Variants in ZNF837 observed in about 807,000 individuals in gnomAD.
ZNF837 encodes zinc finger protein 837.
For synonymous variants in ZNF837, 475 were observed against 365.2 expected (o/e 1.30, Z -3.43); for missense variants, 955 against 801.7 (o/e 1.19, Z -2.31).
At chr19:58,380,170 C>T (rs914717057) in intron 1 of ZNF837, among the ~76,000 whole-genome samples, 1 of 152,184 alleles carries the variant, frequency 6.6e-6, no homozygotes, top group African/African-American at 2.4e-5. Flanking sequence ...ACTCTAGCCC[C>T]TATGTCCAAT....
Position 58,368,189 on chromosome 19 carries a change from G to C in ZNF837, c.1144C>G (p.Arg382Gly), listed in dbSNP as rs1408115605. Residue 382 changes from arginine to glycine, a missense_variant, in exon 3 of 3, where the codon CGG (arginine) becomes GGG (glycine). Coordinates refer to ENST00000597582, the MANE Select transcript of ZNF837 (RefSeq NM_138466.2). The part of the protein sequence containing the change: ...FGLFSHLVEH[R>G]RVHTGEKPYA... ...GGCTTCTCGCCGGTGTGCACGCGCC[G>C]GTGCTCCACGAGGTGCGAGAACAGC... 1 of 1,573,418 alleles carries C rather than the reference G, an allele frequency of 6.4e-7. No homozygotes were observed. Among genetic ancestry groups the C allele is most frequent in the Non-Finnish European group, 8.6e-7 (1 of 1,162,390 alleles).
Position 58,367,871 on chromosome 19 carries a change from AG to A in ZNF837, c.1461del (p.Cys488AlafsTer?). 1 of 1,535,902 alleles carries A rather than the reference AG, an allele frequency of 6.5e-7. No homozygotes were observed. Among genetic ancestry groups the A allele is most frequent in the Non-Finnish European group, 8.7e-7 (1 of 1,144,452 alleles). ...GTGCGCAGGTGGCGCACCAGGCTGC[AG>A]TTGCGCACGAAGGCCTTGCCGCAGT... ...CRDCGKAFVR[N>X]CSLVRHLRTH... On this transcript the variant is annotated frameshift_variant, in exon 3 of 3. Transcript: ENST00000597582. LOFTEE classifies it low-confidence loss of function (END_TRUNC).
rs2052165207 is a variant in ZNF837, at chr19:58,368,549, C to T, written c.784G>A (p.Val262Ile). The T allele has an allele frequency of 6.5e-7, 1 of 1,538,922 alleles. No individual in the cohort carries two copies. ...CGQTSRPRPI[V>I]PDPPAQRLYA... ...AGTCGCTGGGCCGGGGGGTCGGGGA[C>T]AATAGGGCGAGGTCGCGAGGTTTGG... The change falls in exon 3 of 3, where the codon GTC becomes ATC. Residue 262 changes from valine (V) to isoleucine (I), a missense_variant. Transcript: ENST00000597582.
rs965916204 is a variant in ZNF837, at chr19:58,367,955, A to G, written c.1378T>C (p.Ser460Pro). 62 of 1,532,964 alleles carry G rather than the reference A, an allele frequency of 4.0e-5. No individual in the cohort carries two copies. The highest frequency in any genetic ancestry group is 1.8e-4 in the Middle Eastern group (1 of 5,632). The allele number at this position is 1,532,964 out of a possible 1,614,324, so 95.0% of individuals were successfully genotyped here. A position where few individuals can be genotyped will look rare whatever the true frequency, so the allele number is the denominator to read the frequency against. ...SECGKTFRGCSELRQHERLHS... is the reference protein window; with the variant it reads ...SECGKTFRGCPELRQHERLHS... The stretch of plus-strand genomic sequence containing the variant: ...AGGCGCTCGTGCTGGCGCAGCTCGG[A>G]GCAGCCGCGGAAGGTCTTTCCGCAC... Residue 460 changes from serine (S) to proline (P), a missense_variant, in exon 3 of 3, where the codon TCC becomes CCC. Ser to Pro is a moderately conservative substitution (Grantham distance 74, BLOSUM62 -1). Coordinates refer to ENST00000597582, the MANE Select transcript of ZNF837 (RefSeq NM_138466.2).
At chr19:58,375,783 A>C (rs1599926523) in intron 1 of ZNF837, among the ~76,000 whole-genome samples, 1 of 145,970 alleles carries the variant, frequency 6.9e-6, no homozygotes, top group Non-Finnish European at 1.5e-5. Flanking sequence ...AGCAGAATGC[A>C]CCCATGCCAC....
Position 58,368,565 on chromosome 19 carries a change from C to A in ZNF837, c.768G>T (p.Ser256=). The change falls in exon 3 of 3, where the codon TCG becomes TCT. Residue 256 remains serine (S), a synonymous_variant. Coordinates refer to ENST00000597582, the MANE Select transcript of ZNF837 (RefSeq NM_138466.2). ...PPVCPECGQT[S]RPRPIVPDPP... is the part of the protein sequence containing the mutation. ...GGTCGGGGACAATAGGGCGAGGTCG[C>A]GAGGTTTGGCCGCACTCAGGACACA... 1 of 1,536,164 alleles carries A rather than the reference C, an allele frequency of 6.5e-7. No homozygotes were observed. The highest frequency in any genetic ancestry group is 8.7e-7 in the Non-Finnish European group (1 of 1,143,748).
intron 1 of ZNF837, among the ~76,000 whole-genome samples, chr19:58,375,270 G>GTATATATATATATATA (rs58582835): frequency 2.9e-5 from 1 of 34,854 alleles, no homozygotes; most frequent in African/African-American, 9.7e-5. Context: ...AAAAAAAAAA[G>GTATATATATATATATA]TATATATATA....
Position 58,368,046 on chromosome 19 carries a change from C to T in ZNF837, c.1287G>A (p.Lys429=). 1 of 1,539,008 alleles carries T rather than the reference C, an allele frequency of 6.5e-7. No homozygotes were observed. The highest frequency in any genetic ancestry group is 1.2e-5 in the South Asian group (1 of 84,232). The part of the protein sequence containing the change: ...YACPLCEKAF[K]GRSGLVQHQR... ...GGTGTTGCACCAGGCCCGAGCGGCC[C>T]TTGAAGGCCTTTTCGCACAGTGGGC... The change falls in exon 3 of 3, where the codon AAG becomes AAA. Residue 429 remains lysine, a synonymous_variant. Transcript: ENST00000597582.
At chr19:58,379,920 G>A (rs934857911) in intron 1 of ZNF837, among the ~76,000 whole-genome samples, 34 of 152,222 alleles carry the variant, frequency 2.2e-4, no homozygotes, top group Non-Finnish European at 1.9e-4. Context: ...GCTTGAACCC[G>A]GGAGGCGGAG....
intron 1 of ZNF837, among the ~76,000 whole-genome samples, chr19:58,375,300 AT>A (rs2052234752): frequency 4.4e-5 from 4 of 91,338 alleles, no homozygotes; most frequent in African/African-American, 1.4e-4. Context: ...ATATATATAT[AT>A]ATATATATAT....
At chr19:58,374,945 T>TTATA (rs896052435) in intron 1 of ZNF837, among the ~76,000 whole-genome samples, 1 of 113,686 alleles carries the variant, frequency 8.8e-6, no homozygotes, top group Admixed American at 8.9e-5. Flanking sequence ...AAAAAAAAAA[T>TTATA]TATATATATA....
chr19:58,368,272 C>T lies in ZNF837; in HGVS notation c.1061G>A (p.Arg354Gln). ...CGGCTTCTCCCCGGCTCCCGACCCC[C>T]GTCGGGGACTCCGCTCGCTGTAGTC... ...CGDYSERSPRRGSGAGEKPYE... is the reference protein window; with the variant it reads ...CGDYSERSPRQGSGAGEKPYE... Residue 354 changes from arginine to glutamine, a missense_variant, in exon 3 of 3, where the codon CGG becomes CAG. Arg to Gln is a conservative substitution (Grantham distance 43). Coordinates refer to ENST00000597582, the MANE Select transcript of ZNF837 (RefSeq NM_138466.2). The T allele has an allele frequency of 3.4e-6, 5 of 1,482,646 alleles. No homozygotes were observed. The highest frequency in any genetic ancestry group is 4.5e-6 in the Non-Finnish European group (5 of 1,122,670). 91.8% of individuals were successfully genotyped at this position (1,482,646 alleles called of 1,614,324 possible).
chr19:58,374,849 C>CT (rs2052228299), intron 1 of ZNF837, among the ~76,000 whole-genome samples: 1 of 150,696 alleles, frequency 6.6e-6, no homozygotes, highest in South Asian at 2.1e-4. Flanking sequence ...CAGAGAATCA[C>CT]TGGAACCTGG....
At chr19:58,372,551 CTGGGCCACCTGG>C (rs1012065785) in intron 1 of ZNF837, among the ~76,000 whole-genome samples, 7 of 152,304 alleles carry the variant, frequency 4.6e-5, no homozygotes, top group Admixed American at 4.6e-4. Flanking sequence ...GGCAGTTGCC[CTGGGCCACCTGG>C]TGGCCTGAAA....
chr19:58,373,499 G>A (rs1231676854), intron 1 of ZNF837, among the ~76,000 whole-genome samples: 1 of 152,232 alleles, frequency 6.6e-6, no homozygotes, highest in Non-Finnish European at 1.5e-5. Flanking sequence ...GAGAGAGAAT[G>A]GGCACTCAGT....
rs1057040398 is a variant in ZNF837, at chr19:58,369,238, G to C, written c.95C>G (p.Pro32Arg). ...SGAREKRPEE[P>R]RPLEEDRAGS... ...AGCTCGGTCCTCTTCGAGGGGCCTC[G>C]GCTCCTCGGGCCTCTTCTCCCGGGC... Residue 32 changes from proline (P) to arginine (R), a missense_variant, in exon 3 of 3, where the codon CCG (proline) becomes CGG (arginine). By Grantham distance (103) the Pro-to-Arg change is moderately radical. Coordinates refer to ENST00000597582, the MANE Select transcript of ZNF837 (RefSeq NM_138466.2). 1.3e-4 allele frequency: 191 copies of C among 1,424,718 alleles called. No homozygotes were observed. Among genetic ancestry groups the C allele is most frequent in the Non-Finnish European group, 1.7e-4 (189 of 1,093,174 alleles). 88.3% of individuals were successfully genotyped at this position (1,424,718 alleles called of 1,614,324 possible).
At chr19:58,376,521 C>T (rs1247354657) in intron 1 of ZNF837, among the ~76,000 whole-genome samples, 1 of 123,010 alleles carries the variant, frequency 8.1e-6, no homozygotes, top group African/African-American at 3.2e-5. Flanking sequence ...GGCCACTACA[C>T]TCCAGCCTGG....
intron 1 of ZNF837, among the ~76,000 whole-genome samples, chr19:58,377,359 T>C (rs2052257576): frequency 6.7e-6 from 1 of 149,678 alleles, no homozygotes; most frequent in Non-Finnish European, 1.5e-5. Context: ...TAGAAAAAAT[T>C]AGCCAGGTGT....
Position 58,368,279 on chromosome 19 carries a change from G to T in ZNF837, c.1054C>A (p.Pro352Thr), listed in dbSNP as rs1250214142. 1.8e-5 allele frequency: 27 copies of T among 1,481,746 alleles called. No individual in the cohort carries two copies. Among genetic ancestry groups the T allele is most frequent in the South Asian group, 9.3e-5 (7 of 74,978 alleles). The allele number at this position is 1,481,746 out of a possible 1,614,324, so 91.8% of individuals were successfully genotyped here. The change falls in exon 3 of 3, where the codon CCC becomes ACC. Residue 352 changes from proline (P) to threonine (T), a missense_variant. Coordinates refer to ENST00000597582, the MANE Select transcript of ZNF837 (RefSeq NM_138466.2). ...PPCGDYSERS[P>T]RRGSGAGEKP... ...TCCCCGGCTCCCGACCCCCGTCGGG[G>T]ACTCCGCTCGCTGTAGTCCCCGCAG... is the stretch of plus-strand genomic sequence containing the variant.
Sources: gnomAD v4.1 joint callset for allele counts (sites outside exome capture counted in the v4.1 genomes callset) on GRCh38, gnomAD v4.1.1 for gene constraint, MANE v1.5 for transcripts, NCBI Gene and HGNC (gene_info 2026-07-23, HGNC 2026-07-21) for gene names.